KLHL29: variants seen among roughly 807,000 people sequenced by gnomAD.
The protein encoded by KLHL29 is kelch-like protein 29.
A neutral mutation model predicts 80.4 loss-of-function variants in KLHL29; 21 were observed. That is an observed-to-expected ratio of 0.26 (90% CI 0.19 to 0.38). KLHL29 has a LOEUF of 0.38. KLHL29 is among the 10% of genes least tolerant of loss of function. KLHL29 has a pLI of 1.00. For missense variants in KLHL29, 867 were observed against 1,223.9 expected (o/e 0.71, Z 4.35); for synonymous variants, 511 against 526.8 (o/e 0.97, Z 0.41).
At chr2:23,495,379 T>A (rs1297727495) in intron 2 of KLHL29, among the ~76,000 whole-genome samples, 2 of 152,204 alleles carry the variant, frequency 1.3e-5, no homozygotes, top group African/African-American at 4.8e-5. Context: ...CCTACCTGGC[T>A]CTGGGACACA....
intron 5 of KLHL29, among the ~76,000 whole-genome samples, chr2:23,676,846 C>T (rs780722597): frequency 6.6e-6 from 1 of 152,092 alleles, no homozygotes; most frequent in Non-Finnish European, 1.5e-5. Context: ...TGCAGGAGCC[C>T]ATGGTAAGGA....
intron 2 of KLHL29, among the ~76,000 whole-genome samples, chr2:23,552,274 G>C (rs1358473875): frequency 6.6e-6 from 1 of 152,220 alleles, no homozygotes; most frequent in Non-Finnish European, 1.5e-5. Context: ...AGAAACTTCT[G>C]GCCATGCTGG....
chr2:23,591,913 CA>C (rs1215246354), intron 3 of KLHL29, among the ~76,000 whole-genome samples: 5 of 152,236 alleles, frequency 3.3e-5, no homozygotes, highest in Non-Finnish European at 5.9e-5. Flanking sequence ...CCTTTATCTC[CA>C]GAAACCTGGT....
chr2:23,446,830 G>A lies in KLHL29; in HGVS notation c.-153-28730G>A, dbSNP rs552027951. Among the ~76,000 whole-genome samples, 13 of 152,294 alleles carry A rather than the reference G, an allele frequency of 8.5e-5. No individual in the cohort carries two copies. The South Asian group carries it at 2.7e-3, about 32-fold the overall frequency. On this transcript the variant is annotated intron_variant, in intron 1 of 13. Transcript: ENST00000486442. ...TTCTGGAGTATATATTGTCGAAAGA[G>A]GAGGGAAGGAAGGAAGGGAATCACA...
In KLHL29 at chr2:23,627,689, G is replaced by C. The variant is rs113001592; in HGVS notation, c.286-11450G>C. ...CTCTGCCGCGTCCCCTCTCTTGTTA[G>C]GTGTCTAATAAGGTCGCTGAGGATG... On this transcript the variant is annotated intron_variant, in intron 3 of 13. Coordinates refer to ENST00000486442, the MANE Select transcript of KLHL29 (RefSeq NM_052920.2). Among the ~76,000 whole-genome samples the C allele has an allele frequency of 4.5e-3, 683 of 151,406 alleles. 6 individuals carry two copies. Among genetic ancestry groups the C allele is most frequent in the African/African-American group, 0.016 (653 of 41,220 alleles).
At position 23,708,350 on chromosome 2, in the gene KLHL29, C is replaced by T. The variant is rs1223030251; in HGVS notation, c.*1686C>T. On this transcript the variant is annotated 3_prime_UTR_variant, in exon 14 of 14. Coordinates refer to ENST00000486442, the MANE Select transcript of KLHL29 (RefSeq NM_052920.2). The stretch of plus-strand genomic sequence containing the variant: ...GCAAGTGTGAACCCAAGGACTGGAG[C>T]ACAAATTCCTAACTGCCTGGGGCAG... 1 of 152,154 alleles carries T rather than the reference C, an allele frequency of 6.6e-6. No homozygotes were observed. Among genetic ancestry groups the T allele is most frequent in the Non-Finnish European group, 1.5e-5 (1 of 68,030 alleles). The allele number at this position is 152,154 out of a possible 1,614,324, so 9.4% of individuals were successfully genotyped here. A position where few individuals can be genotyped will look rare whatever the true frequency, so the allele number is the denominator to read the frequency against.
At chr2:23,649,283 C>T (rs892831522) in intron 5 of KLHL29, among the ~76,000 whole-genome samples, 40 of 152,296 alleles carry the variant, frequency 2.6e-4, no homozygotes, top group African/African-American at 9.6e-4. Context: ...TCTCAGAGCC[C>T]GTGGAATTCG....
chr2:23,635,734 G>A (rs1158739242), intron 3 of KLHL29, among the ~76,000 whole-genome samples: 1 of 152,256 alleles, frequency 6.6e-6, no homozygotes, highest in Non-Finnish European at 1.5e-5. Context: ...GTGGGGCCAG[G>A]CACAGAGAGG....
At chr2:23,547,527 C>T (rs1315476830) in intron 2 of KLHL29, among the ~76,000 whole-genome samples, 6 of 152,046 alleles carry the variant, frequency 3.9e-5, no homozygotes, top group Non-Finnish European at 8.8e-5. Context: ...GCATGCACAG[C>T]CCTTGGTACG....
intron 1 of KLHL29, among the ~76,000 whole-genome samples, chr2:23,445,496 A>G (rs1663648345): frequency 6.6e-6 from 1 of 152,140 alleles, no homozygotes; most frequent in African/African-American, 2.4e-5. Flanking sequence ...GCTACCCCGG[A>G]AGGGATTCAG....
intron 1 of KLHL29, among the ~76,000 whole-genome samples, chr2:23,395,444 C>T (rs1265776721): frequency 6.6e-6 from 1 of 152,152 alleles, no homozygotes; most frequent in Non-Finnish European, 1.5e-5. Context: ...TGGGAATAAG[C>T]ATTTAGAAAC....
intron 3 of KLHL29, among the ~76,000 whole-genome samples, chr2:23,627,857 TAAAA>T (rs952324006): frequency 6.7e-6 from 1 of 149,664 alleles, no homozygotes; most frequent in African/African-American, 2.5e-5. Context: ...TTTGCAATTT[TAAAA>T]AAAACCAGGA....
intron 3 of KLHL29, among the ~76,000 whole-genome samples, chr2:23,633,075 C>T (rs1669511261): frequency 6.6e-6 from 1 of 152,214 alleles, no homozygotes; most frequent in African/African-American, 2.4e-5. Flanking sequence ...CAGGGCCAGG[C>T]AGGTGGGATG....
At chr2:23,450,287 C>G (rs1031648601) in intron 1 of KLHL29, among the ~76,000 whole-genome samples, 2 of 151,864 alleles carry the variant, frequency 1.3e-5, no homozygotes, top group African/African-American at 4.8e-5. Flanking sequence ...GCCGCCAGGC[C>G]GAGATGGTTC....
intron 1 of KLHL29, among the ~76,000 whole-genome samples, chr2:23,386,956 C>T (rs1237184005): frequency 6.6e-6 from 1 of 152,154 alleles, no homozygotes; most frequent in Non-Finnish European, 1.5e-5. Flanking sequence ...GTTGTCGTCC[C>T]TGGGCTGTGG....
intron 2 of KLHL29, among the ~76,000 whole-genome samples, chr2:23,482,806 G>A (rs1465677): frequency 0.74 from 112,901 of 152,076 alleles, 42,097 homozygotes; most frequent in East Asian, 0.92. Flanking sequence ...TGGTGAAACA[G>A]AAGAGTGTTG....
intron 2 of KLHL29, among the ~76,000 whole-genome samples, chr2:23,555,127 C>T (rs566068752): frequency 2.7e-5 from 4 of 146,712 alleles, no homozygotes; most frequent in Non-Finnish European, 5.9e-5. Context: ...ACCTCCCCCC[C>T]CCCCTCAACT....
At position 23,402,907 on chromosome 2, in the gene KLHL29, A is replaced by G. The variant is rs571095623; in HGVS notation, c.-154+17127A>G. Among the ~76,000 whole-genome samples, 10 of 150,878 alleles carry G rather than the reference A, an allele frequency of 6.6e-5. 1 individual carries two copies. The East Asian group carries it at 1.9e-3, about 29-fold the overall frequency. ...ATGTATCCCTGATTTCTTTAAATCT[A>G]TGTATGTGTATATATCTTATATATC... On this transcript the variant is annotated intron_variant, in intron 1 of 13. Coordinates refer to ENST00000486442, the MANE Select transcript of KLHL29 (RefSeq NM_052920.2).
chr2:23,603,267 G>A (rs1235724567), intron 3 of KLHL29, among the ~76,000 whole-genome samples: 1 of 152,194 alleles, frequency 6.6e-6, no homozygotes, highest in Non-Finnish European at 1.5e-5. Context: ...GCCAGAGGTA[G>A]GGCCTCAATC....
Sources: allele counts gnomAD v4.1 joint callset (sites outside exome capture counted in the v4.1 genomes callset), GRCh38; gene constraint gnomAD v4.1.1; transcripts MANE v1.5; gene names NCBI Gene and HGNC (gene_info 2026-07-23, HGNC 2026-07-21).